The following DYNLL2 variants were observed in gnomAD, a reference collection of about 807,000 sequenced individuals.
DYNLL2 encodes the protein dynein light chain 2, cytoplasmic.
DYNLL2 carries 1 observed loss-of-function variant against 9.7 expected under a neutral mutation model. The ratio of observed to expected loss-of-function variants is 0.10; its 90% CI spans 0.04 to 0.49. The LOEUF (loss-of-function observed/expected upper bound fraction) is 0.49, where lower values mean the gene tolerates loss of function less well. DYNLL2 is among the 20% of genes least tolerant of loss of function. The pLI, the probability that DYNLL2 is intolerant of heterozygous loss-of-function variation, is 0.95. For synonymous variants in DYNLL2, 35 were observed against 40.5 expected, an observed-to-expected ratio of 0.86 and a Z score of 0.52; for missense variants, 37 against 115.2, an observed-to-expected ratio of 0.32 and a Z score of 3.11.
chr17:58,087,044 A>T, intron 1 of DYNLL2, 38 bp from the exon 2 acceptor site: 2 of 1,608,230 alleles, frequency 1.2e-6, no homozygotes, highest in Non-Finnish European at 1.7e-6. Context: ...TGCCCAGAGC[A>T]AGGAGTTGTC....
Position 58,090,771 on chromosome 17 carries a change from A to G in DYNLL2, c.*1492A>G, listed in dbSNP as rs561857716. The G allele has an allele frequency of 6.8e-6, 1 of 147,042 alleles. No homozygotes were observed. Among genetic ancestry groups the G allele is most frequent in the Non-Finnish European group, 1.5e-5 (1 of 67,102 alleles). The allele number at this position is 147,042 out of a possible 1,614,324, so 9.1% of individuals were successfully genotyped here. Reference sequence around the variant, plus strand: ...GGGTGGGGTTTGGGGTGGGGTGGTCATTGCCGTTTGAGCTGCTGATTTTCA... The same window carrying G: ...GGGTGGGGTTTGGGGTGGGGTGGTCGTTGCCGTTTGAGCTGCTGATTTTCA... On this transcript the variant is annotated 3_prime_UTR_variant, in exon 3 of 3. Coordinates refer to ENST00000579991, the MANE Select transcript of DYNLL2 (RefSeq NM_080677.3).
intron 1 of DYNLL2, among the ~76,000 whole-genome samples, chr17:58,085,651 C>T (rs1480892617): frequency 6.6e-6 from 1 of 152,190 alleles, no homozygotes; most frequent in African/African-American, 2.4e-5. Context: ...TCCGCTCGTC[C>T]CAAGAAGGGT....
At chr17:58,083,803 G>C (rs1378394899) in intron 1 of DYNLL2, 120 bp downstream of exon 1, 2 of 151,920 alleles carry the variant, frequency 1.3e-5, no homozygotes, top group Non-Finnish European at 2.9e-5. Flanking sequence ...CCAAGGCCTG[G>C]AACAGGGCTG....
rs1397797148 is a variant in DYNLL2, at chr17:58,090,222, A to T, written c.*943A>T. The T allele has an allele frequency of 7.9e-6, 2 of 251,612 alleles. No individual in the cohort carries two copies. The highest frequency in any genetic ancestry group is 5.6e-5 in the Admixed American group (1 of 17,996). 15.6% of individuals were successfully genotyped at this position (251,612 alleles called of 1,614,324 possible). On this transcript the variant is annotated 3_prime_UTR_variant, in exon 3 of 3. Coordinates refer to ENST00000579991, the MANE Select transcript of DYNLL2 (RefSeq NM_080677.3). ...TGTCTCCCTTGACTCTTCTGTGTAT[A>T]TGTGTGAATATGTGTGTATATGTGT...
Position 58,083,606 on chromosome 17 carries a change from G to A in DYNLL2, c.-87G>A, listed in dbSNP as rs1029290560. 3 of 154,044 alleles carry A rather than the reference G, an allele frequency of 1.9e-5. No individual in the cohort carries two copies. Among genetic ancestry groups the A allele is most frequent in the African/African-American group, 7.2e-5 (3 of 41,410 alleles). The allele number at this position is 154,044 out of a possible 1,614,324, so 9.5% of individuals were successfully genotyped here. ...TGCTGCAGCTGCAGGAGGAGCCCAG[G>A]GAACACCGCCCCTGCCTGTGCTCTG... On this transcript the variant is annotated 5_prime_UTR_variant, in exon 1 of 3. Coordinates refer to ENST00000579991, the MANE Select transcript of DYNLL2 (RefSeq NM_080677.3).
At chr17:58,084,171 C>G (rs1442032713) in intron 1 of DYNLL2, among the ~76,000 whole-genome samples, 2 of 151,852 alleles carry the variant, frequency 1.3e-5, no homozygotes, top group African/African-American at 4.8e-5. Context: ...GGCCTGCGGA[C>G]CTGGCCGGCG....
In DYNLL2 at chr17:58,089,034, A is replaced by G. The variant is rs1598088786; in HGVS notation, c.133-108A>G. The G allele has an allele frequency of 1.3e-5, 18 of 1,422,664 alleles. No individual in the cohort carries two copies. The East Asian group carries it at 1.4e-4, about 11-fold the overall frequency. 88.1% of individuals were successfully genotyped at this position (1,422,664 alleles called of 1,614,324 possible). A position where few individuals can be genotyped will look rare whatever the true frequency, so the allele number is the denominator to read the frequency against. On this transcript the variant is annotated intron_variant, in intron 2 of 2. Coordinates refer to ENST00000579991, the MANE Select transcript of DYNLL2 (RefSeq NM_080677.3). ...GGCTGAGGGATGGGGTGGGGGTGAT[A>G]ACAACCAAACGTGTCGGTGCTGGAG...
At position 58,091,102 on chromosome 17, in the gene DYNLL2, A is replaced by G. The variant is rs1294737451; in HGVS notation, c.*1823A>G. ...CCCTGCCCTCCCAGACTGTGTGGCC[A>G]GTTGAAAGTGTCTGGTTTGTGTTCA... On this transcript the variant is annotated 3_prime_UTR_variant, in exon 3 of 3. Transcript: ENST00000579991. 1 of 152,136 alleles carries G rather than the reference A, an allele frequency of 6.6e-6. No individual in the cohort carries two copies. Among genetic ancestry groups the G allele is most frequent in the Non-Finnish European group, 1.5e-5 (1 of 68,074 alleles). 9.4% of individuals were successfully genotyped at this position (152,136 alleles called of 1,614,324 possible). A position where few individuals can be genotyped will look rare whatever the true frequency, so the allele number is the denominator to read the frequency against.
Position 58,089,873 on chromosome 17 carries a change from G to A in DYNLL2, c.*594G>A. 1 of 398,902 alleles carries A rather than the reference G, an allele frequency of 2.5e-6. No individual in the cohort carries two copies. The highest frequency in any genetic ancestry group is 1.3e-4 in the South Asian group (1 of 7,848). 24.7% of individuals were successfully genotyped at this position (398,902 alleles called of 1,614,324 possible). On this transcript the variant is annotated 3_prime_UTR_variant, in exon 3 of 3. Transcript: ENST00000579991. ...TGGGGATGCCTTCTTTAGGGGCCCTGAGATGTGTTTGTCTGTGGTGTGTGG... is the reference window on the plus strand; with the variant it reads ...TGGGGATGCCTTCTTTAGGGGCCCTAAGATGTGTTTGTCTGTGGTGTGTGG...
Position 58,084,268 on chromosome 17 carries a change from A to G in DYNLL2, c.-10+585A>G, listed in dbSNP as rs987449136. On this transcript the variant is annotated intron_variant, in intron 1 of 2. Coordinates refer to ENST00000579991, the MANE Select transcript of DYNLL2 (RefSeq NM_080677.3). ...GGACCGCAGCGCTCTGGAGGATGGG[A>G]TAGTGGAGGGATACGGCCCACTTGG... is the stretch of plus-strand genomic sequence containing the variant. Among the ~76,000 whole-genome samples the G allele has an allele frequency of 7.9e-5, 12 of 152,066 alleles. No individual in the cohort carries two copies. In the East Asian group the frequency reaches 1.9e-3, roughly 25 times the overall value.
rs368984380 is a variant in DYNLL2, at chr17:58,089,024, T to C, written c.133-118T>C. On this transcript the variant is annotated intron_variant, in intron 2 of 2. Transcript: ENST00000579991. Reference sequence around the variant, plus strand: ...GGGGAGCTGAGGCTGAGGGATGGGGTGGGGGTGATAACAACCAAACGTGTC... The same window carrying C: ...GGGGAGCTGAGGCTGAGGGATGGGGCGGGGGTGATAACAACCAAACGTGTC... 1.2e-5 allele frequency: 15 copies of C among 1,265,112 alleles called. No individual in the cohort carries two copies. In the East Asian group the frequency reaches 1.9e-4, roughly 16 times the overall value. 78.4% of individuals were successfully genotyped at this position (1,265,112 alleles called of 1,614,324 possible).
rs992437099 is a variant in DYNLL2 at position 58,088,872 on chromosome 17, G to C, written c.133-270G>C. Among the ~76,000 whole-genome samples, 54 of 152,104 alleles carry C rather than the reference G, an allele frequency of 3.6e-4. 3 individuals are homozygous for C. The highest frequency in any genetic ancestry group is 1.5e-5 in the Non-Finnish European group (1 of 68,012). ...GAGGGGGTGGGGTAGCTAGAGGGAG[G>C]AGAGATGATCAGGGTGTAGAGTGCT... On this transcript the variant is annotated intron_variant, in intron 2 of 2. Transcript: ENST00000579991.
In DYNLL2 at chr17:58,093,782, G is replaced by A. The variant is rs544383302; in HGVS notation, c.*4503G>A. 3 of 152,186 alleles carry A rather than the reference G, an allele frequency of 2.0e-5. No homozygotes were observed. Among genetic ancestry groups the A allele is most frequent in the Non-Finnish European group, 4.4e-5 (3 of 68,066 alleles). The allele number at this position is 152,186 out of a possible 1,614,324, so 9.4% of individuals were successfully genotyped here. A position where few individuals can be genotyped will look rare whatever the true frequency, so the allele number is the denominator to read the frequency against. On this transcript the variant is annotated 3_prime_UTR_variant, in exon 3 of 3. Transcript: ENST00000579991. Reference sequence around the variant, plus strand: ...CCTGGTATTAGAAAGGAGAGCAGACGCCTAGAGTTCTGACCTCTTGGGCCT... The same window carrying A: ...CCTGGTATTAGAAAGGAGAGCAGACACCTAGAGTTCTGACCTCTTGGGCCT...
rs987611310 is a variant in DYNLL2, at chr17:58,090,385, T to G, written c.*1106T>G. On this transcript the variant is annotated 3_prime_UTR_variant, in exon 3 of 3. Coordinates refer to ENST00000579991, the MANE Select transcript of DYNLL2 (RefSeq NM_080677.3). ...TGCTAAAAGCCTCTGGGGATATCTG[T>G]TTTGAAAATAAAGATAGGTGTCCCC... 3.3e-5 allele frequency: 5 copies of G among 152,386 alleles called. No individual in the cohort carries two copies. Among genetic ancestry groups the G allele is most frequent in the African/African-American group, 9.7e-5 (4 of 41,284 alleles). 9.4% of individuals were successfully genotyped at this position (152,386 alleles called of 1,614,324 possible). A position where few individuals can be genotyped will look rare whatever the true frequency, so the allele number is the denominator to read the frequency against.
chr17:58,089,450 CT>C lies in DYNLL2; in HGVS notation c.*174del. On this transcript the variant is annotated 3_prime_UTR_variant, in exon 3 of 3. Transcript: ENST00000579991. ...TGTCGCAGTAAACAAAACCAAACCTCTTTCTGTTTAGTTGCCTGGGGGAAGA... is the reference window on the plus strand; with the variant it reads ...TGTCGCAGTAAACAAAACCAAACCTCTTCTGTTTAGTTGCCTGGGGGAAGA... 1.3e-6 allele frequency: 1 copy of C among 788,150 alleles called. No homozygotes were observed. The highest frequency in any genetic ancestry group is 1.8e-6 in the Non-Finnish European group (1 of 540,578). The allele number at this position is 788,150 out of a possible 1,614,324, so 48.8% of individuals were successfully genotyped here.
chr17:58,089,088 C>T (rs564557407), intron 2 of DYNLL2, 54 bp from the exon 3 acceptor site: 1 of 1,607,116 alleles, frequency 6.2e-7, no homozygotes, highest in African/African-American at 1.3e-5. Context: ...ATTCTGATTT[C>T]TCCTTCTCCA....
In DYNLL2 at chr17:58,089,075, C is replaced by T. The variant is rs2075770852; in HGVS notation, c.133-67C>T. On this transcript the variant is annotated intron_variant, in intron 2 of 2. Transcript: ENST00000579991. ...GGTGCTGGAGTTGCAGGGAGAGACT[C>T]CCATTCTGATTTCTCCTTCTCCAGC... 31 of 1,591,160 alleles carry T rather than the reference C, an allele frequency of 1.9e-5. 1 individual carries two copies. In the South Asian group the frequency reaches 3.3e-4, roughly 17 times the overall value.
rs961666583 is a variant in DYNLL2 at position 58,089,056 on chromosome 17, G to A, written c.133-86G>A. On this transcript the variant is annotated intron_variant, in intron 2 of 2. Coordinates refer to ENST00000579991, the MANE Select transcript of DYNLL2 (RefSeq NM_080677.3). ...GATAACAACCAAACGTGTCGGTGCTGGAGTTGCAGGGAGAGACTCCCATTC... is the reference window on the plus strand; with the variant it reads ...GATAACAACCAAACGTGTCGGTGCTAGAGTTGCAGGGAGAGACTCCCATTC... 216 of 1,534,276 alleles carry A rather than the reference G, an allele frequency of 1.4e-4. 3 individuals carry two copies. In the Admixed American group the frequency reaches 3.7e-3, roughly 26 times the overall value.
At position 58,083,460 on chromosome 17, in the gene DYNLL2, C is replaced by CGGGG. The variant is rs1567764951; in HGVS notation, c.-230_-229insGGGG. 3.1e-5 allele frequency: 1 copy of CGGGG among 32,366 alleles called. No homozygotes were observed. The highest frequency in any genetic ancestry group is 6.7e-5 in the Non-Finnish European group (1 of 15,004). The allele number at this position is 32,366 out of a possible 1,614,324, so 2.0% of individuals were successfully genotyped here. A position where few individuals can be genotyped will look rare whatever the true frequency, so the allele number is the denominator to read the frequency against. On this transcript the variant is annotated 5_prime_UTR_variant, in exon 1 of 3. Coordinates refer to ENST00000579991, the MANE Select transcript of DYNLL2 (RefSeq NM_080677.3). ...GGAGCTGTGAGGCGCCAGTGCGGAG[C>CGGGG]GGGCGGGCGGGCGGGCGGCGTGAGG...
Sources: gnomAD v4.1 joint callset for allele counts (sites outside exome capture counted in the v4.1 genomes callset) on GRCh38, gnomAD v4.1.1 for gene constraint, MANE v1.5 for transcripts, NCBI Gene and HGNC (gene_info 2026-07-23, HGNC 2026-07-21) for gene names.